Variants in KIRREL1 observed in about 807,000 individuals in gnomAD.
KIRREL1 encodes the protein kin of IRRE-like protein 1.
KIRREL1 carries 25 observed loss-of-function variants against 83.3 expected under a neutral mutation model. The ratio of observed to expected loss-of-function variants is 0.30; its 90% CI spans 0.22 to 0.42. The LOEUF (loss-of-function observed/expected upper bound fraction) is 0.42. KIRREL1 is among the 10% of genes least tolerant of loss of function. KIRREL1 has a pLI of 1.00. For synonymous variants in KIRREL1, 388 were observed against 410.4 expected, an observed-to-expected ratio of 0.95 and a Z score of 0.66; for missense variants, 812 against 1,032.3, an observed-to-expected ratio of 0.79 and a Z score of 2.92.
At chr1:158,081,370 G>A (rs192274013) in intron 3 of KIRREL1, among the ~76,000 whole-genome samples, 2 of 152,312 alleles carry the variant, frequency 1.3e-5, no homozygotes, top group Admixed American at 1.3e-4. Flanking sequence ...ATATACAGGA[G>A]GCACTTTGGC....
intron 1 of KIRREL1, among the ~76,000 whole-genome samples, chr1:158,070,773 C>T (rs980049890): frequency 7.2e-5 from 11 of 151,952 alleles, no homozygotes; most frequent in African/African-American, 2.4e-4. Context: ...TGCTGGTGGG[C>T]GATTAGGGTT....
rs551279169 is a variant in KIRREL1, at chr1:158,095,484, G to C, written c.*364G>C. The C allele has an allele frequency of 7.7e-4, 147 of 190,364 alleles. 1 individual carries two copies. Among genetic ancestry groups the C allele is most frequent in the African/African-American group, 3.3e-3 (143 of 42,872 alleles). 11.8% of individuals were successfully genotyped at this position (190,364 alleles called of 1,614,324 possible). On this transcript the variant is annotated 3_prime_UTR_variant, in exon 15 of 15. Transcript: ENST00000359209. ...TGATCTCCCATAAGTGGAAATGGGG[G>C]TACCCAGGGATGGGCAGGCTTTGGC...
intron 1 of KIRREL1, among the ~76,000 whole-genome samples, chr1:158,018,488 G>A (rs933016409): frequency 3.3e-5 from 5 of 152,196 alleles, no homozygotes; most frequent in Non-Finnish European, 7.3e-5. Flanking sequence ...GTGAGATGGT[G>A]CCAACCTGGG....
At chr1:158,051,827 C>T (rs575418553) in intron 1 of KIRREL1, among the ~76,000 whole-genome samples, 120 of 152,340 alleles carry the variant, frequency 7.9e-4, no homozygotes, top group South Asian at 5.4e-3. Context: ...CTCCAGGATT[C>T]CTGTAAATGC....
At chr1:158,080,524 C>T (rs1661817972) in intron 3 of KIRREL1, among the ~76,000 whole-genome samples, 1 of 152,224 alleles carries the variant, frequency 6.6e-6, no homozygotes, top group South Asian at 2.1e-4. Context: ...AAGGTATGGT[C>T]CTTGCTGGCC....
chr1:158,029,370 CGT>C (rs199891677), intron 1 of KIRREL1, among the ~76,000 whole-genome samples: 7 of 10,466 alleles, frequency 6.7e-4, no homozygotes, highest in East Asian at 4.2e-3. Flanking sequence ...TGTGTGTGCA[CGT>C]GCGCGCGCAT....
At position 158,039,903 on chromosome 1, in the gene KIRREL1, G is replaced by A. The variant is rs114841887; in HGVS notation, c.53-36210G>A. On this transcript the variant is annotated intron_variant, in intron 1 of 14. Transcript: ENST00000359209. ...TGCCACCTCTGGGCGTTGTTGTTAT[G>A]TTTTTCAGTTTGTTTTGATGTGTTT... Among the ~76,000 whole-genome samples the A allele has an allele frequency of 9.3e-3, 1,410 of 152,258 alleles. 22 individuals are homozygous for A. Among genetic ancestry groups the A allele is most frequent in the African/African-American group, 0.032 (1,329 of 41,534 alleles).
rs557261631 is a variant in KIRREL1, at chr1:158,010,022, C to T, written c.52+16294C>T. Reference sequence around the variant, plus strand: ...CTACTGGAGAGACCTTACTCAGTGACCTGGGCCTATTTTCTTATCATAAAA... The same window carrying T: ...CTACTGGAGAGACCTTACTCAGTGATCTGGGCCTATTTTCTTATCATAAAA... On this transcript the variant is annotated intron_variant, in intron 1 of 14. Coordinates refer to ENST00000359209, the MANE Select transcript of KIRREL1 (RefSeq NM_018240.7). 2.6e-5 allele frequency among the ~76,000 whole-genome samples: 4 copies of T among 152,202 alleles called. No individual in the cohort carries two copies. The East Asian group carries it at 7.7e-4, about 29-fold the overall frequency.
At chr1:158,093,932 G>T (rs1662280292) in intron 13 of KIRREL1, among the ~76,000 whole-genome samples, 170 bp downstream of exon 13, 1 of 152,148 alleles carries the variant, frequency 6.6e-6, no homozygotes, top group South Asian at 2.1e-4. Context: ...CACGCCCCAG[G>T]CTAGTTTCCT....
At chr1:158,083,864 G>A (rs889495821) in intron 3 of KIRREL1, among the ~76,000 whole-genome samples, 5 of 152,302 alleles carry the variant, frequency 3.3e-5, no homozygotes, top group Non-Finnish European at 2.9e-5. Context: ...AGTGGTTCAC[G>A]CCTGTAATCC....
chr1:158,001,242 G>T (rs540259871), intron 1 of KIRREL1, among the ~76,000 whole-genome samples: 1 of 152,314 alleles, frequency 6.6e-6, no homozygotes, highest in East Asian at 1.9e-4. Context: ...TGCTTACTGT[G>T]TGCTGGGCTC....
intron 1 of KIRREL1, among the ~76,000 whole-genome samples, chr1:158,068,695 G>A (rs1378762751): frequency 6.6e-6 from 1 of 152,010 alleles, no homozygotes; most frequent in African/African-American, 2.4e-5. Context: ...TTCGCCCTTC[G>A]ATGGCCCAGC....
Position 158,091,450 on chromosome 1 carries a change from G to C in KIRREL1, c.1365G>C (p.Thr455=). ...RTNSGSGVLS[T]LTINNVMEAD... ...ACTCAGGCAGTGGGGTGCTATCCACGCTCACCATCAACAATGTCATGGAGG... is the reference window on the plus strand; with the variant it reads ...ACTCAGGCAGTGGGGTGCTATCCACCCTCACCATCAACAATGTCATGGAGG... The change falls in exon 11 of 15, where the codon ACG becomes ACC. Residue 455 remains threonine (T), a synonymous_variant. Transcript: ENST00000359209. 1 of 1,614,186 alleles carries C rather than the reference G, an allele frequency of 6.2e-7. No individual in the cohort carries two copies.
intron 1 of KIRREL1, among the ~76,000 whole-genome samples, chr1:158,035,510 C>A (rs1980766): frequency 0.98 from 149,395 of 152,310 alleles, 73,334 homozygotes; most frequent in East Asian, 1. Context: ...ATATAATGAG[C>A]ACCTATTCTG....
intron 1 of KIRREL1, among the ~76,000 whole-genome samples, chr1:158,010,361 A>ACAC (rs1491267940): frequency 3.9e-5 from 2 of 51,560 alleles, no homozygotes; most frequent in African/African-American, 9.6e-5. Flanking sequence ...ACACACACAC[A>ACAC]CCCCACACAG....
In KIRREL1 at chr1:158,053,032, T is replaced by A. The variant is rs1377985063; in HGVS notation, c.53-23081T>A. ...TACCCTGGGGAGGGCACCAAATCATTCATGGAGATCTGCCCCCATTACCCA... is the reference window on the plus strand; with the variant it reads ...TACCCTGGGGAGGGCACCAAATCATACATGGAGATCTGCCCCCATTACCCA... On this transcript the variant is annotated intron_variant, in intron 1 of 14. Transcript: ENST00000359209. 3.3e-5 allele frequency among the ~76,000 whole-genome samples: 5 copies of A among 152,234 alleles called. No individual in the cohort carries two copies. In the East Asian group the frequency reaches 7.7e-4, roughly 24 times the overall value.
chr1:158,069,473 A>C (rs895628315), intron 1 of KIRREL1, among the ~76,000 whole-genome samples: 1 of 152,128 alleles, frequency 6.6e-6, no homozygotes, highest in African/African-American at 2.4e-5. Flanking sequence ...ACACACAGAG[A>C]CTGGCCTAGC....
chr1:158,061,160 G>C (rs905649071), intron 1 of KIRREL1, among the ~76,000 whole-genome samples: 1 of 151,892 alleles, frequency 6.6e-6, no homozygotes, highest in Non-Finnish European at 1.5e-5. Flanking sequence ...CTGATATCAG[G>C]AAGCAAAGGC....
chr1:158,068,865 AG>A (rs1661429441), intron 1 of KIRREL1, among the ~76,000 whole-genome samples: 1 of 152,086 alleles, frequency 6.6e-6, no homozygotes, highest in African/African-American at 2.4e-5. Context: ...AGAGGGAGGG[AG>A]AGTGGAGTGT....
Sources: allele counts gnomAD v4.1 joint callset (sites outside exome capture counted in the v4.1 genomes callset), GRCh38; gene constraint gnomAD v4.1.1; transcripts MANE v1.5; gene names NCBI Gene and HGNC (gene_info 2026-07-23, HGNC 2026-07-21).